Variants in GSG1 observed in about 807,000 individuals in gnomAD.
GSG1 encodes germ cell associated 1, also known as germ cell-specific gene 1 protein.
GSG1 carries 28 observed loss-of-function variants against 30.8 expected under a neutral mutation model. The observed-to-expected ratio is 0.91, with a 90% CI of 0.67 to 1.25. GSG1 has a LOEUF of 1.25. Among genes scored for constraint, GSG1 ranks in the 50% most tolerant of loss-of-function variants. The probability of loss-of-function intolerance (pLI) is 0.00; values close to 1 mark genes in which losing one functional copy is unlikely to be tolerated. For synonymous variants in GSG1, 162 were observed against 178.0 expected, an observed-to-expected ratio of 0.91 and a Z score of 0.71; for missense variants, 435 against 444.7, an observed-to-expected ratio of 0.98 and a Z score of 0.20.
rs1378642415 is a variant in GSG1 at position 13,101,534 on chromosome 12, C to T, written c.48+1931G>A. ...GGCAGGCCAGGGACCCGGCGAGCCG[C>T]GGAGGGCGGGGCCACATGTGTCCCG... On this transcript the variant is annotated intron_variant, in intron 1 of 6. Transcript: ENST00000651961. The surrounding 1 kb of genome is among the most constrained non-coding windows in gnomAD (Gnocchi z 5.8). Among the ~76,000 whole-genome samples, 1 of 152,206 alleles carries T rather than the reference C, an allele frequency of 6.6e-6. No individual in the cohort carries two copies. The highest frequency in any genetic ancestry group is 1.5e-5 in the Non-Finnish European group (1 of 68,034).
chr12:13,090,665 C>G lies in GSG1; in HGVS notation c.202G>C (p.Ala68Pro). The G allele has an allele frequency of 6.2e-7, 1 of 1,614,240 alleles. No homozygotes were observed. Among genetic ancestry groups the G allele is most frequent in the African/African-American group, 1.3e-5 (1 of 75,068 alleles). Residue 68 changes from alanine to proline, a missense_variant, in exon 2 of 7, where the codon GCA (alanine) becomes CCA (proline). Ala to Pro is a conservative substitution (Grantham distance 27, BLOSUM62 -1). Coordinates refer to ENST00000651961, the MANE Select transcript of GSG1 (RefSeq NM_001080555.4). ...VPKPLCEKGL[A>P]AKCFDMPVSL... ...ACTGGCATGTCAAAGCACTTGGCTGCCAGACCTTTCTCGCACAGGGGCTTG... is the reference window on the plus strand; with the variant it reads ...ACTGGCATGTCAAAGCACTTGGCTGGCAGACCTTTCTCGCACAGGGGCTTG...
intron 1 of GSG1, among the ~76,000 whole-genome samples, chr12:13,098,791 T>C (rs1302660227): frequency 1.3e-5 from 2 of 152,134 alleles, no homozygotes; most frequent in East Asian, 3.9e-4. Flanking sequence ...CTGCACCCCC[T>C]GTGCCTTAAT....
intron 1 of GSG1, among the ~76,000 whole-genome samples, chr12:13,098,400 T>C (rs1862896984): frequency 6.7e-6 from 1 of 149,232 alleles, no homozygotes; most frequent in Admixed American, 6.8e-5. Flanking sequence ...CAGGCTGAAC[T>C]TTGGGGCATC....
intron 6 of GSG1, among the ~76,000 whole-genome samples, chr12:13,086,199 C>T (rs1277684873): frequency 6.6e-6 from 1 of 152,198 alleles, no homozygotes; most frequent in Non-Finnish European, 1.5e-5. Context: ...TGGGCGTTGC[C>T]TAGCCTGAGC....
intron 2 of GSG1, 77 bp downstream of exon 2, chr12:13,090,426 T>C: frequency 2.1e-6 from 3 of 1,401,362 alleles, no homozygotes; most frequent in Non-Finnish European, 2.9e-6. Context: ...TAAGCGGGCC[T>C]ACCTGATTTC....
intron 1 of GSG1, among the ~76,000 whole-genome samples, chr12:13,098,455 CAT>C (rs1491526068): frequency 2.8e-5 from 2 of 71,840 alleles, no homozygotes; most frequent in Non-Finnish European, 6.2e-5. Flanking sequence ...TCATGTAGCC[CAT>C]TTTTTTTTTT....
At chr12:13,100,702 G>A (rs1863131381) in intron 1 of GSG1, among the ~76,000 whole-genome samples, 1 of 152,144 alleles carries the variant, frequency 6.6e-6, no homozygotes, top group South Asian at 2.1e-4. Flanking sequence ...GTCTTCACAC[G>A]GGACATTTTC....
Position 13,090,670 on chromosome 12 carries a change from C to T in GSG1, c.197G>A (p.Gly66Asp), listed in dbSNP as rs1565535271. ...QKVPKPLCEK[G>D]LAAKCFDMPV... ...CATGTCAAAGCACTTGGCTGCCAGA[C>T]CTTTCTCGCACAGGGGCTTGGGCAC... Residue 66 changes from glycine to aspartate, a missense_variant, in exon 2 of 7, where the codon GGT (glycine) becomes GAT (aspartate). Gly to Asp is a moderately conservative substitution (Grantham distance 94, BLOSUM62 -1). Transcript: ENST00000651961. 6.2e-7 allele frequency: 1 copy of T among 1,614,244 alleles called. No individual in the cohort carries two copies. Among genetic ancestry groups the T allele is most frequent in the Non-Finnish European group, 8.5e-7 (1 of 1,180,046 alleles).
intron 1 of GSG1, among the ~76,000 whole-genome samples, chr12:13,092,774 A>T (rs1866272893): frequency 7.2e-6 from 1 of 139,482 alleles, no homozygotes; most frequent in Non-Finnish European, 1.5e-5. Flanking sequence ...CAGTCAGAGG[A>T]TATATAAACT....
chr12:13,094,087 A>G (rs1267933600), intron 1 of GSG1, among the ~76,000 whole-genome samples: 1 of 150,978 alleles, frequency 6.6e-6, no homozygotes, highest in African/African-American at 2.4e-5. Flanking sequence ...AGAATTAATC[A>G]CACTTAAATC....
intron 1 of GSG1, among the ~76,000 whole-genome samples, chr12:13,096,179 G>A (rs1292954095): frequency 6.6e-6 from 1 of 152,090 alleles, no homozygotes; most frequent in African/African-American, 2.4e-5. Context: ...TAGAACATTA[G>A]AATAAGTACT....
chr12:13,091,975 T>C (rs1460224159), intron 1 of GSG1, among the ~76,000 whole-genome samples: 1 of 152,210 alleles, frequency 6.6e-6, no homozygotes, highest in East Asian at 1.9e-4. Context: ...ACGGGGATGA[T>C]GCATCTTTAA....
chr12:13,099,694 C>T (rs1259983171), intron 1 of GSG1, among the ~76,000 whole-genome samples: 7 of 151,660 alleles, frequency 4.6e-5, no homozygotes, highest in African/African-American at 1.7e-4. Flanking sequence ...AGGTTATATA[C>T]CACACCACTT....
rs1008461742 is a variant in GSG1 at position 13,101,673 on chromosome 12, G to C, written c.48+1792C>G. Among the ~76,000 whole-genome samples, 12 of 152,262 alleles carry C rather than the reference G, an allele frequency of 7.9e-5. No individual in the cohort carries two copies. Among genetic ancestry groups the C allele is most frequent in the Admixed American group, 5.9e-4 (9 of 15,294 alleles). Reference sequence around the variant, plus strand: ...GGAGGGATTCCTTACACCCAGGCCGGTGGGCCAGGGCTCGGGATGTGTCGA... The same window carrying C: ...GGAGGGATTCCTTACACCCAGGCCGCTGGGCCAGGGCTCGGGATGTGTCGA... On this transcript the variant is annotated intron_variant, in intron 1 of 6. Transcript: ENST00000651961. The surrounding 1 kb of genome is among the most constrained non-coding windows in gnomAD (Gnocchi z 5.8).
chr12:13,084,749 TC>T lies in GSG1; in HGVS notation c.*151del. On this transcript the variant is annotated 3_prime_UTR_variant, in exon 7 of 7. Coordinates refer to ENST00000651961, the MANE Select transcript of GSG1 (RefSeq NM_001080555.4). ...AAAAGAGAGCAGTGGCACCCAGGAA[TC>T]CCTTAGGACTTAAAGATAACCCTTA... is the stretch of plus-strand genomic sequence containing the variant. The T allele has an allele frequency of 1.8e-6, 1 of 549,574 alleles. No homozygotes were observed. The highest frequency in any genetic ancestry group is 2.8e-5 in the East Asian group (1 of 35,250). 34.0% of individuals were successfully genotyped at this position (549,574 alleles called of 1,614,324 possible).
intron 1 of GSG1, among the ~76,000 whole-genome samples, chr12:13,099,757 T>TTTTTTTG (rs1863040105): frequency 2.2e-5 from 3 of 133,784 alleles, no homozygotes; most frequent in African/African-American, 9.0e-5. Context: ...TTTGTTTTTT[T>TTTTTTTG]TTTTTTTTTT....
At chr12:13,088,665 A>G in intron 4 of GSG1, 197 bp downstream of exon 4, 2 of 1,350,320 alleles carry the variant, frequency 1.5e-6, no homozygotes, top group Non-Finnish European at 2.0e-6. Flanking sequence ...AAAGTGGGAG[A>G]TCACAGTGCA....
At chr12:13,085,494 G>A (rs112065724) in intron 6 of GSG1, among the ~76,000 whole-genome samples, 4 of 152,042 alleles carry the variant, frequency 2.6e-5, no homozygotes, top group African/African-American at 9.6e-5. Flanking sequence ...AGTTGTCGGT[G>A]CCATGCCCTT....
intron 1 of GSG1, among the ~76,000 whole-genome samples, chr12:13,102,630 C>G (rs1285424739): frequency 6.6e-6 from 1 of 152,198 alleles, no homozygotes; most frequent in Non-Finnish European, 1.5e-5. Flanking sequence ...ATCCTAACTT[C>G]CAGCTGGTCA....
Sources: allele counts gnomAD v4.1 joint callset (sites outside exome capture counted in the v4.1 genomes callset), GRCh38; gene constraint gnomAD v4.1.1; non-coding constraint Gnocchi (gnomAD v3.1); transcripts MANE v1.5; gene names NCBI Gene and HGNC (gene_info 2026-07-23, HGNC 2026-07-21).